The following VIPAS39 variants were observed in gnomAD, a reference collection of about 807,000 sequenced individuals.
VIPAS39 encodes the protein VPS33B interacting protein, apical-basolateral polarity regulator, spe-39 homolog.
A neutral mutation model predicts 84.7 loss-of-function variants in VIPAS39; 63 were observed. The observed-to-expected ratio is 0.74, with a 90% CI of 0.61 to 0.92. VIPAS39 has a LOEUF of 0.92. Ranked by LOEUF, VIPAS39 falls within the 40% of genes least tolerant of loss-of-function variation. The pLI is 0.00. For synonymous variants in VIPAS39, 192 were observed against 216.5 expected (o/e 0.89, Z 0.99); for missense variants, 499 against 604.5 (o/e 0.83, Z 1.83).
intron 13 of VIPAS39, 120 bp downstream of exon 13, chr14:77,435,724 T>C (rs2078600222): frequency 1.7e-6 from 2 of 1,176,098 alleles, no homozygotes; most frequent in Admixed American, 1.8e-5. Flanking sequence ...AGGCAGAAAA[T>C]GAAAGGCTTT....
chr14:77,452,528 C>G (rs559490460), intron 3 of VIPAS39, among the ~76,000 whole-genome samples: 35 of 151,888 alleles, frequency 2.3e-4, no homozygotes, highest in African/African-American at 8.2e-4. Context: ...TACCTATAAT[C>G]CCAGCATTTG....
chr14:77,452,735 G>A (rs1429107023), intron 3 of VIPAS39, among the ~76,000 whole-genome samples: 9 of 140,634 alleles, frequency 6.4e-5, no homozygotes, highest in East Asian at 2.3e-4. Flanking sequence ...AGTCAGGATC[G>A]CGCCATTGCA....
At chr14:77,457,283 A>C in intron 1 of VIPAS39, 1 of 1,535,650 alleles carries the variant, frequency 6.5e-7, no homozygotes, top group Non-Finnish European at 8.7e-7. Flanking sequence ...GTTCTGAACC[A>C]AATGTCCGCT....
intron 16 of VIPAS39, among the ~76,000 whole-genome samples, chr14:77,430,304 A>G (rs2078500836): frequency 6.6e-6 from 1 of 152,244 alleles, no homozygotes; most frequent in Admixed American, 6.5e-5. Context: ...AATAATTAAC[A>G]AATAGGAAAA....
intron 4 of VIPAS39, 31 bp downstream of exon 4, chr14:77,451,156 C>T (rs2078875210): frequency 1.2e-6 from 2 of 1,614,098 alleles, no homozygotes; most frequent in South Asian, 2.2e-5. Context: ...AAGAGAAGGA[C>T]TTCCCTATCC....
chr14:77,440,026 GCATGCGCCAC>G (rs1488550410), intron 11 of VIPAS39, among the ~76,000 whole-genome samples: 1 of 151,968 alleles, frequency 6.6e-6, no homozygotes, highest in Non-Finnish European at 1.5e-5. Context: ...GGGACTACAG[GCATGCGCCAC>G]CATGCTTTGC....
chr14:77,449,891 T>C, intron 4 of VIPAS39, 139 bp from the exon 5 acceptor site: 1 of 1,047,956 alleles, frequency 9.5e-7, no homozygotes, highest in South Asian at 1.4e-5. Context: ...TATTCATCTG[T>C]AGAAATCTGA....
At chr14:77,453,965 T>C in intron 2 of VIPAS39, 45 bp downstream of exon 2, 1 of 1,589,544 alleles carries the variant, frequency 6.3e-7, no homozygotes, top group Non-Finnish European at 8.6e-7. Context: ...AGGAATTTTA[T>C]AGTGGCACTG....
chr14:77,427,538 C>T lies in VIPAS39; in HGVS notation c.*78G>A. 3 of 1,593,192 alleles carry T rather than the reference C, an allele frequency of 1.9e-6. No homozygotes were observed. Among genetic ancestry groups the T allele is most frequent in the Admixed American group, 3.3e-5 (2 of 59,978 alleles). ...GCCCAAGCGATGTGATGCCGCAGCTCTCCCAAAGAAGAGCTCTCTCTGCTT... is the reference window on the plus strand; with the variant it reads ...GCCCAAGCGATGTGATGCCGCAGCTTTCCCAAAGAAGAGCTCTCTCTGCTT... On this transcript the variant is annotated 3_prime_UTR_variant, in exon 20 of 20. Transcript: ENST00000557658.
intron 13 of VIPAS39, 96 bp from the exon 14 acceptor site, chr14:77,435,489 C>T: frequency 1.3e-6 from 2 of 1,511,654 alleles, no homozygotes; most frequent in Non-Finnish European, 1.8e-6. Flanking sequence ...GTTGTGTTTC[C>T]CACCCTAGGA....
chr14:77,443,575 C>T (rs1425998519), intron 8 of VIPAS39, among the ~76,000 whole-genome samples: 1 of 151,876 alleles, frequency 6.6e-6, no homozygotes, highest in South Asian at 2.1e-4. Context: ...ATAGCAAGAC[C>T]CTGTCTCTAC....
At chr14:77,430,865 GA>G (rs1326468557) in intron 16 of VIPAS39, among the ~76,000 whole-genome samples, 1 of 152,056 alleles carries the variant, frequency 6.6e-6, no homozygotes, top group African/African-American at 2.4e-5. Context: ...ATAGAATAGA[GA>G]GCCTAGAAAT....
At chr14:77,453,037 T>C (rs1221939570) in intron 3 of VIPAS39, among the ~76,000 whole-genome samples, 2 of 152,172 alleles carry the variant, frequency 1.3e-5, no homozygotes, top group African/African-American at 4.8e-5. Context: ...GAGTATGTCA[T>C]TTTAACAAGC....
chr14:77,450,668 C>T (rs1829967032), intron 4 of VIPAS39, among the ~76,000 whole-genome samples: 1 of 152,250 alleles, frequency 6.6e-6, no homozygotes, highest in South Asian at 2.1e-4. Context: ...CCCCACCATG[C>T]CCGGCTAATT....
intron 7 of VIPAS39, among the ~76,000 whole-genome samples, chr14:77,446,240 T>C (rs1255515698): frequency 6.6e-6 from 1 of 152,230 alleles, no homozygotes; most frequent in East Asian, 1.9e-4. Context: ...TTTAGGTCTA[T>C]GATCCATTTT....
chr14:77,448,959 CTTTA>C (rs2078841154), intron 6 of VIPAS39, among the ~76,000 whole-genome samples: 1 of 152,150 alleles, frequency 6.6e-6, no homozygotes, highest in Non-Finnish European at 1.5e-5. Context: ...AATCAATTTG[CTTTA>C]TTTGTTTCAT....
chr14:77,454,628 C>T lies in VIPAS39; in HGVS notation c.1-526G>A, dbSNP rs1218898813. 3.4e-5 allele frequency among the ~76,000 whole-genome samples: 5 copies of T among 146,272 alleles called. No homozygotes were observed. In the East Asian group the frequency reaches 6.2e-4, roughly 18 times the overall value. On this transcript the variant is annotated intron_variant, in intron 1 of 19. Coordinates refer to ENST00000557658, the MANE Select transcript of VIPAS39 (RefSeq NM_001193315.2). ...GGCAGAGGTTGCGGTGAGCAGAGATCGCACCATTGCACTCCAGCCTGGGCA... is the reference window on the plus strand; with the variant it reads ...GGCAGAGGTTGCGGTGAGCAGAGATTGCACCATTGCACTCCAGCCTGGGCA...
In VIPAS39 at chr14:77,427,520, C is replaced by A; in HGVS notation, c.*96G>T. On this transcript the variant is annotated 3_prime_UTR_variant, in exon 20 of 20. Transcript: ENST00000557658. ...ACTGCCCATGGGTAATGGGCCCAAGCGATGTGATGCCGCAGCTCTCCCAAA... is the reference window on the plus strand; with the variant it reads ...ACTGCCCATGGGTAATGGGCCCAAGAGATGTGATGCCGCAGCTCTCCCAAA... 2 of 1,521,332 alleles carry A rather than the reference C, an allele frequency of 1.3e-6. No individual in the cohort carries two copies. The highest frequency in any genetic ancestry group is 1.8e-6 in the Non-Finnish European group (2 of 1,096,862). The allele number at this position is 1,521,332 out of a possible 1,614,324, so 94.2% of individuals were successfully genotyped here.
chr14:77,428,111 G>C (rs761145489), intron 19 of VIPAS39, among the ~76,000 whole-genome samples: 1 of 152,110 alleles, frequency 6.6e-6, no homozygotes, highest in African/African-American at 2.4e-5. Flanking sequence ...TCTCCTACAT[G>C]CTAGGTTTAA....
Sources: gnomAD v4.1 joint callset for allele counts (sites outside exome capture counted in the v4.1 genomes callset) on GRCh38, gnomAD v4.1.1 for gene constraint, MANE v1.5 for transcripts, NCBI Gene and HGNC (gene_info 2026-07-23, HGNC 2026-07-21) for gene names.